NCKAP5: variants seen among roughly 807,000 people sequenced by gnomAD.
NCKAP5 encodes the protein NCK associated protein 5.
In NCKAP5, 92 loss-of-function variants were observed where a neutral mutation model predicts 167.0. That is an observed-to-expected ratio of 0.55 (90% CI 0.47 to 0.66). NCKAP5 has a LOEUF of 0.66. Among genes scored for constraint, NCKAP5 ranks in the 30% least tolerant of loss-of-function variants. The probability of loss-of-function intolerance (pLI) is 0.00; values close to 1 mark genes in which losing one functional copy is unlikely to be tolerated. For missense variants in NCKAP5, 2,378 were observed against 2,315.0 expected, an observed-to-expected ratio of 1.03 and a Z score of -0.56; for synonymous variants, 891 against 877.4, an observed-to-expected ratio of 1.02 and a Z score of -0.27.
intron 6 of NCKAP5, among the ~76,000 whole-genome samples, chr2:132,995,765 A>G (rs530696962): frequency 1.1e-4 from 17 of 152,296 alleles, no homozygotes; most frequent in African/African-American, 3.8e-4. Flanking sequence ...ACCTGAGGTC[A>G]TGAGTTCAAG....
intron 8 of NCKAP5, among the ~76,000 whole-genome samples, chr2:132,924,089 A>G (rs1281311945): frequency 1.3e-5 from 2 of 152,174 alleles, no homozygotes; most frequent in Non-Finnish European, 2.9e-5. Context: ...GTGCCCAGAG[A>G]AGCCCCCTTG....
At chr2:133,565,497 G>T (rs759163500) in intron 1 of NCKAP5, among the ~76,000 whole-genome samples, 1 of 152,192 alleles carries the variant, frequency 6.6e-6, no homozygotes, top group South Asian at 2.1e-4. Context: ...AATTAACCAG[G>T]ATCATAAAGC....
At chr2:133,499,751 G>T (rs1437050015) in intron 3 of NCKAP5, among the ~76,000 whole-genome samples, 1 of 152,040 alleles carries the variant, frequency 6.6e-6, no homozygotes, top group Non-Finnish European at 1.5e-5. Flanking sequence ...GTAGAGACGG[G>T]GTTTCACCAT....
intron 16 of NCKAP5, among the ~76,000 whole-genome samples, chr2:132,735,529 A>C (rs531782063): frequency 6.6e-6 from 1 of 152,310 alleles, no homozygotes; most frequent in East Asian, 1.9e-4. Context: ...CAGAACCATG[A>C]ACCAGTTACA....
intron 19 of NCKAP5, among the ~76,000 whole-genome samples, chr2:132,699,397 G>A (rs570453019): frequency 6.6e-6 from 1 of 152,196 alleles, no homozygotes; most frequent in African/African-American, 2.4e-5. Context: ...TGTTACACAT[G>A]TATACATGTG....
chr2:132,700,305 C>T (rs1480686291), intron 19 of NCKAP5, among the ~76,000 whole-genome samples: 2 of 150,856 alleles, frequency 1.3e-5, no homozygotes, highest in Admixed American at 6.6e-5. Context: ...GTTTCTTTTG[C>T]TGTGCCGAAG....
At chr2:132,781,354 G>T in intron 14 of NCKAP5, 125 bp from the exon 15 acceptor site, 3 of 862,874 alleles carry the variant, frequency 3.5e-6, no homozygotes, top group Non-Finnish European at 5.1e-6. Flanking sequence ...ACCTTTGACG[G>T]ATAAGGGTTT....
At chr2:133,465,706 T>C (rs1297626531) in intron 3 of NCKAP5, among the ~76,000 whole-genome samples, 2 of 152,120 alleles carry the variant, frequency 1.3e-5, no homozygotes, top group Non-Finnish European at 2.9e-5. Context: ...CCATTCTAAC[T>C]GGTGTGAGAT....
intron 3 of NCKAP5, among the ~76,000 whole-genome samples, chr2:133,458,536 C>T (rs1231740439): frequency 6.6e-6 from 1 of 152,012 alleles, no homozygotes; most frequent in Non-Finnish European, 1.5e-5. Context: ...ATTTCCTATC[C>T]CCACAATGCA....
intron 6 of NCKAP5, among the ~76,000 whole-genome samples, chr2:133,051,237 C>A (rs2079595847): frequency 6.6e-6 from 1 of 152,256 alleles, no homozygotes; most frequent in Admixed American, 6.5e-5. Context: ...TATTCTTTAA[C>A]TAATTAAACT....
At chr2:132,755,852 C>T (rs1680501275) in intron 16 of NCKAP5, among the ~76,000 whole-genome samples, 1 of 67,068 alleles carries the variant, frequency 1.5e-5, no homozygotes, top group Non-Finnish European at 2.5e-5. Flanking sequence ...TGCTAAATGG[C>T]AAAATAATAA....
intron 3 of NCKAP5, among the ~76,000 whole-genome samples, chr2:133,468,662 A>G (rs2151270125): frequency 6.6e-6 from 1 of 152,182 alleles, no homozygotes; most frequent in South Asian, 2.1e-4. Flanking sequence ...TTTGTAGGTC[A>G]CTCAGGAGTT....
At chr2:132,977,835 G>A (rs1167374687) in intron 7 of NCKAP5, among the ~76,000 whole-genome samples, 2 of 122,244 alleles carry the variant, frequency 1.6e-5, no homozygotes, top group Non-Finnish European at 3.3e-5. Context: ...TTGTACTGAA[G>A]ACATTTTTGC....
intron 6 of NCKAP5, among the ~76,000 whole-genome samples, chr2:133,087,667 C>T (rs960245917): frequency 1.3e-5 from 2 of 152,110 alleles, no homozygotes; most frequent in Non-Finnish European, 2.9e-5. Flanking sequence ...CTGTTAATAG[C>T]TCTGCAAACA....
At chr2:132,829,839 CTT>C (rs1441719047) in intron 11 of NCKAP5, among the ~76,000 whole-genome samples, 5 of 152,198 alleles carry the variant, frequency 3.3e-5, no homozygotes, top group Admixed American at 2.0e-4. Flanking sequence ...TTCTGAGAAA[CTT>C]TTCAAATTTC....
intron 5 of NCKAP5, among the ~76,000 whole-genome samples, chr2:133,178,342 C>T (rs1412417571): frequency 1.3e-5 from 2 of 150,982 alleles, no homozygotes; most frequent in African/African-American, 4.9e-5. Context: ...CTATAAAAAA[C>T]ATGAAAATTA....
At chr2:132,849,579 G>T (rs1385268994) in intron 11 of NCKAP5, among the ~76,000 whole-genome samples, 1 of 152,216 alleles carries the variant, frequency 6.6e-6, no homozygotes, top group Non-Finnish European at 1.5e-5. Flanking sequence ...CTGCCACAGA[G>T]ATGCAGGTCA....
At chr2:133,654,013 T>G in the NCKAP5 span, among the ~76,000 whole-genome samples, 1 of 152,102 alleles carries the variant, frequency 6.6e-6, no homozygotes, top group Non-Finnish European at 1.5e-5. Context: ...GGTAAGGTAT[T>G]TTAGGGGGAG....
intron 6 of NCKAP5, among the ~76,000 whole-genome samples, chr2:133,034,487 T>A (rs1418313773): frequency 6.6e-6 from 1 of 152,058 alleles, no homozygotes; most frequent in Non-Finnish European, 1.5e-5. Context: ...ACCCTGTAAC[T>A]CTGGTGTATA....
Sources: allele counts gnomAD v4.1 joint callset (sites outside exome capture counted in the v4.1 genomes callset), GRCh38; gene constraint gnomAD v4.1.1; transcripts MANE v1.5; gene names NCBI Gene and HGNC (gene_info 2026-07-23, HGNC 2026-07-21).